Variants in CGAS observed in about 807,000 individuals in gnomAD.
The protein encoded by CGAS is cyclic GMP-AMP synthase, also known as 2'3'-cGAMP synthase.
CGAS carries 31 observed loss-of-function variants against 34.0 expected under a neutral mutation model. The ratio of observed to expected loss-of-function variants is 0.91; its 90% CI spans 0.69 to 1.23. The LOEUF is 1.23. Ranked by LOEUF, CGAS falls within the 50% of genes most tolerant of loss-of-function variation. The probability of loss-of-function intolerance (pLI) is 0.00; values close to 1 mark genes in which losing one functional copy is unlikely to be tolerated. For synonymous variants in CGAS, 266 were observed against 260.0 expected, an observed-to-expected ratio of 1.02 and a Z score of -0.22; for missense variants, 597 against 657.6, an observed-to-expected ratio of 0.91 and a Z score of 1.01.
rs1248035179 is a variant in CGAS, at chr6:73,423,782, T to C, written c.*1445A>G. The stretch of plus-strand genomic sequence containing the variant: ...AATCAACTCCATTAAAATTTAAAAA[T>C]CTTTACAATAAACAAAACAATACAA... On this transcript the variant is annotated 3_prime_UTR_variant, in exon 5 of 5. Transcript: ENST00000370315. 6.6e-6 allele frequency: 1 copy of C among 152,102 alleles called. No homozygotes were observed. The highest frequency in any genetic ancestry group is 1.5e-5 in the Non-Finnish European group (1 of 68,010). 9.4% of individuals were successfully genotyped at this position (152,102 alleles called of 1,614,324 possible).
chr6:73,433,296 A>T (rs1453507100), intron 3 of CGAS, among the ~76,000 whole-genome samples: 1 of 150,928 alleles, frequency 6.6e-6, no homozygotes, highest in Non-Finnish European at 1.5e-5. Flanking sequence ...GTGTCTTGTT[A>T]TGTTGCCCAG....
chr6:73,435,898 A>G (rs1770273409), intron 3 of CGAS, among the ~76,000 whole-genome samples: 1 of 152,092 alleles, frequency 6.6e-6, no homozygotes, highest in Non-Finnish European at 1.5e-5. Context: ...CCTTTTTCAA[A>G]GTAATACCAG....
rs1274920717 is a variant in CGAS, at chr6:73,450,513, T to G, written c.657+1012A>C. ...CAGTCAGGAACCTGCTTCTAAACTT[T>G]CAATTTACACAGGAATGATTAATGA... On this transcript the variant is annotated intron_variant, in intron 1 of 4. Coordinates refer to ENST00000370315, the MANE Select transcript of CGAS (RefSeq NM_138441.3). 3.3e-5 allele frequency among the ~76,000 whole-genome samples: 5 copies of G among 152,268 alleles called. No individual in the cohort carries two copies. In the Middle Eastern group the frequency reaches 0.01, roughly 313 times the overall value.
chr6:73,435,495 T>C (rs889121890), intron 3 of CGAS, among the ~76,000 whole-genome samples: 1 of 152,080 alleles, frequency 6.6e-6, no homozygotes, highest in Non-Finnish European at 1.5e-5. Context: ...GCTGTAAAAA[T>C]AGACTTTAAA....
intron 1 of CGAS, among the ~76,000 whole-genome samples, chr6:73,450,097 GAGAGAAGAGA>G (rs149585527): frequency 1.3e-5 from 2 of 149,840 alleles, no homozygotes; most frequent in South Asian, 2.1e-4. Context: ...CAGAGAGATA[GAGAGAAGAGA>G]AGAGAAGAGA....
chr6:73,443,190 A>G (rs969890012), intron 2 of CGAS, among the ~76,000 whole-genome samples: 31 of 151,850 alleles, frequency 2.0e-4, no homozygotes, highest in South Asian at 6.2e-4. Context: ...CTCCTTCTAC[A>G]AAACACTCAT....
At chr6:73,432,909 C>G (rs188856505) in intron 3 of CGAS, among the ~76,000 whole-genome samples, 26 of 152,116 alleles carry the variant, frequency 1.7e-4, no homozygotes, top group African/African-American at 5.8e-4. Context: ...CATGGTGAAA[C>G]CCTATCTCTA....
intron 3 of CGAS, 134 bp from the exon 4 acceptor site, chr6:73,428,945 G>A (rs1040888476): frequency 2.7e-6 from 2 of 751,296 alleles, no homozygotes; most frequent in Non-Finnish European, 2.1e-6. Context: ...TCAGTACTTT[G>A]GGAGGCCGAG....
At chr6:73,425,882 G>A (rs148185982) in intron 4 of CGAS, among the ~76,000 whole-genome samples, 5,209 of 152,308 alleles carry the variant, frequency 0.034, 296 homozygotes, top group African/African-American at 0.12. Context: ...GCTGAGGCAC[G>A]AGAATCGCTT....
intron 3 of CGAS, among the ~76,000 whole-genome samples, chr6:73,431,357 G>A (rs1013864018): frequency 1.3e-5 from 2 of 152,084 alleles, no homozygotes; most frequent in Non-Finnish European, 2.9e-5. Flanking sequence ...TGTAATCCCA[G>A]CTACTCTGGA....
At chr6:73,437,624 T>TA (rs1460176139) in intron 3 of CGAS, among the ~76,000 whole-genome samples, 51 of 152,244 alleles carry the variant, frequency 3.3e-4, no homozygotes, top group African/African-American at 1.2e-3. Context: ...TTGAGTGGGT[T>TA]AAAAACCTCA....
intron 3 of CGAS, among the ~76,000 whole-genome samples, chr6:73,435,960 T>A (rs896719441): frequency 5.3e-5 from 8 of 152,040 alleles, no homozygotes; most frequent in African/African-American, 1.9e-4. Context: ...TTTTTTGCAG[T>A]TTTTTGTCCT....
chr6:73,444,537 G>C (rs1241615702), intron 2 of CGAS, among the ~76,000 whole-genome samples: 2 of 146,884 alleles, frequency 1.4e-5, no homozygotes, highest in Admixed American at 6.9e-5. Context: ...TCAAACTCCT[G>C]AGCTCAGGTG....
At chr6:73,444,507 C>T (rs892123286) in intron 2 of CGAS, among the ~76,000 whole-genome samples, 5 of 151,434 alleles carry the variant, frequency 3.3e-5, no homozygotes, top group Non-Finnish European at 7.4e-5. Context: ...TGGGGTTTCT[C>T]CATGTTGGCC....
intron 1 of CGAS, among the ~76,000 whole-genome samples, chr6:73,451,077 A>AG (rs1458310015): frequency 6.6e-6 from 1 of 151,956 alleles, no homozygotes; most frequent in African/African-American, 2.4e-5. Flanking sequence ...AGGGAGGAAG[A>AG]GGGGGAGAGA....
intron 2 of CGAS, 87 bp downstream of exon 2, chr6:73,445,441 G>T: frequency 1.1e-6 from 1 of 897,288 alleles, no homozygotes. Context: ...TTACTGCAGA[G>T]AGGTCAAGAA....
rs543962548 is a variant in CGAS, at chr6:73,430,662, A to G, written c.1115-1851T>C. The stretch of plus-strand genomic sequence containing the variant: ...TCTCAAAAAAGAAAGAAAATGAAAA[A>G]AGAAAAAAAAAATTATGTAAATAAA... On this transcript the variant is annotated intron_variant, in intron 3 of 4. Transcript: ENST00000370315. Among the ~76,000 whole-genome samples, 8 of 152,194 alleles carry G rather than the reference A, an allele frequency of 5.3e-5. No homozygotes were observed. The South Asian group carries it at 1.0e-3, about 20-fold the overall frequency.
chr6:73,439,938 C>T, intron 3 of CGAS: 1 of 348,148 alleles, frequency 2.9e-6, no homozygotes. Context: ...CAGTCTGACT[C>T]CAAGGCCAAT....
At chr6:73,437,218 G>A (rs1770295516) in intron 3 of CGAS, among the ~76,000 whole-genome samples, 1 of 151,962 alleles carries the variant, frequency 6.6e-6, no homozygotes, top group African/African-American at 2.4e-5. Context: ...AATTAAAAAG[G>A]TTTCTAATCA....
Sources: allele counts gnomAD v4.1 joint callset (sites outside exome capture counted in the v4.1 genomes callset), GRCh38; gene constraint gnomAD v4.1.1; transcripts MANE v1.5; gene names NCBI Gene and HGNC (gene_info 2026-07-23, HGNC 2026-07-21).